The following SCFD1 variants were observed in gnomAD, a reference collection of about 807,000 sequenced individuals.
SCFD1 encodes the protein sec1 family domain-containing protein 1.
In SCFD1, 37 loss-of-function variants were observed where a neutral mutation model predicts 103.2. The ratio of observed to expected loss-of-function variants is 0.36; its 90% CI spans 0.28 to 0.47. SCFD1 has a LOEUF of 0.47. Ranked by LOEUF, SCFD1 falls within the 20% of genes least tolerant of loss-of-function variation. SCFD1 has a pLI of 1.00. For synonymous variants in SCFD1, 264 were observed against 245.0 expected (o/e 1.08, Z -0.73); for missense variants, 639 against 761.2 (o/e 0.84, Z 1.89).
At chr14:30,676,710 A>T (rs991508771) in intron 14 of SCFD1, 39 of 151,856 alleles carry the variant, frequency 2.6e-4, no homozygotes, top group African/African-American at 9.4e-4. Context: ...TATGGAATCA[A>T]AAAAAGTAGA....
intron 14 of SCFD1, chr14:30,683,231 C>A: frequency 9.0e-7 from 1 of 1,110,066 alleles, no homozygotes; most frequent in South Asian, 1.5e-5. Context: ...TCATACAGGG[C>A]AGACCACTTG....
chr14:30,632,046 GAAAAAAA>G (rs61645782), intron 3 of SCFD1, among the ~76,000 whole-genome samples: 1 of 70,270 alleles, frequency 1.4e-5, no homozygotes, highest in South Asian at 5.5e-4. Context: ...AGATTCTGTT[GAAAAAAA>G]AAAAAAAAAA....
chr14:30,656,231 G>A (rs1055747180), intron 10 of SCFD1, among the ~76,000 whole-genome samples: 2 of 152,142 alleles, frequency 1.3e-5, no homozygotes, highest in African/African-American at 2.4e-5. Flanking sequence ...AAAGTGCTGA[G>A]ATTACAAGCA....
At chr14:30,631,455 T>C (rs544119805) in intron 3 of SCFD1, among the ~76,000 whole-genome samples, 32 of 152,350 alleles carry the variant, frequency 2.1e-4, no homozygotes, top group Admixed American at 1.7e-3. Context: ...AATGTTTTTA[T>C]AGGTGCTTAA....
chr14:30,643,301 C>T lies in SCFD1; in HGVS notation c.524-15C>T. The stretch of plus-strand genomic sequence containing the variant: ...GTTTGGGTCAACTTTTTCTCCTTTT[C>T]CTATGTCATTTTAGCCATTAACAGG... On this transcript the variant is annotated splice_polypyrimidine_tract_variant and intron_variant, in intron 6 of 24. Coordinates refer to ENST00000458591, the MANE Select transcript of SCFD1 (RefSeq NM_016106.4). 2 of 1,557,592 alleles carry T rather than the reference C, an allele frequency of 1.3e-6. No homozygotes were observed. Among genetic ancestry groups the T allele is most frequent in the Non-Finnish European group, 1.8e-6 (2 of 1,128,962 alleles).
intron 23 of SCFD1, among the ~76,000 whole-genome samples, chr14:30,724,245 GTTTTTTTTTTT>G (rs58612669): frequency 1.4e-5 from 1 of 69,682 alleles, no homozygotes; most frequent in Non-Finnish European, 2.5e-5. Flanking sequence ...TTTTTTATGG[GTTTTTTTTTTT>G]TTTTTTTTTT....
chr14:30,714,376 A>AAG (rs1309674509), intron 19 of SCFD1, among the ~76,000 whole-genome samples: 11 of 145,770 alleles, frequency 7.5e-5, no homozygotes, highest in Non-Finnish European at 1.5e-4. Flanking sequence ...AAAAAAAAAA[A>AAG]GGTAAAATTT....
chr14:30,709,508 A>G (rs1451215861), intron 19 of SCFD1, among the ~76,000 whole-genome samples: 1 of 152,166 alleles, frequency 6.6e-6, no homozygotes, highest in East Asian at 1.9e-4. Flanking sequence ...CTGGGATTAC[A>G]GGTATGAGCC....
chr14:30,693,512 A>T (rs1055263146), intron 14 of SCFD1, among the ~76,000 whole-genome samples: 2 of 152,144 alleles, frequency 1.3e-5, no homozygotes, highest in Non-Finnish European at 2.9e-5. Flanking sequence ...CCATGTATCA[A>T]ATTCACTCCT....
chr14:30,735,585 G>A lies in SCFD1; in HGVS notation c.1906-1G>A. On this transcript the variant is annotated splice_acceptor_variant, in intron 24 of 24. Coordinates refer to ENST00000458591, the MANE Select transcript of SCFD1 (RefSeq NM_016106.4). LOFTEE classifies it high-confidence loss of function. ...ATGTATGATTTTGTGTTTTGTTTTA[G>A]TTGTCACAACTTGGACAAAAGTAAC... is the stretch of plus-strand genomic sequence containing the variant. 1 of 1,584,740 alleles carries A rather than the reference G, an allele frequency of 6.3e-7. No individual in the cohort carries two copies. The highest frequency in any genetic ancestry group is 8.6e-7 in the Non-Finnish European group (1 of 1,158,314).
At chr14:30,642,518 C>A (rs904494198) in intron 6 of SCFD1, among the ~76,000 whole-genome samples, 1 of 152,250 alleles carries the variant, frequency 6.6e-6, no homozygotes, top group South Asian at 2.1e-4. Flanking sequence ...TTCTTATACT[C>A]AGTAAAGTTT....
chr14:30,668,324 G>T (rs1888208063), intron 10 of SCFD1, among the ~76,000 whole-genome samples: 1 of 152,196 alleles, frequency 6.6e-6, no homozygotes, highest in African/African-American at 2.4e-5. Flanking sequence ...AATAAATGGT[G>T]CTGGGAAAAC....
At chr14:30,631,312 C>T (rs753859462) in intron 3 of SCFD1, among the ~76,000 whole-genome samples, 25 of 152,084 alleles carry the variant, frequency 1.6e-4, no homozygotes, top group Non-Finnish European at 3.2e-4. Flanking sequence ...GAGACTGTGC[C>T]ACTGCACTCC....
chr14:30,726,522 A>G (rs1000925344), intron 23 of SCFD1, among the ~76,000 whole-genome samples: 3 of 152,062 alleles, frequency 2.0e-5, no homozygotes, highest in African/African-American at 7.3e-5. Context: ...CATCTTTCTC[A>G]ACAAAATCAG....
intron 21 of SCFD1, 115 bp from the exon 22 acceptor site, chr14:30,721,769 G>A: frequency 1.2e-6 from 1 of 844,466 alleles, no homozygotes. Flanking sequence ...GAAGGTGAAG[G>A]AGGTAGAATT....
chr14:30,647,360 A>G (rs1594600940), intron 7 of SCFD1, among the ~76,000 whole-genome samples: 1 of 149,306 alleles, frequency 6.7e-6, no homozygotes, highest in African/African-American at 2.5e-5. Flanking sequence ...CCTTTCAGGG[A>G]TTTTTTTTTT....
chr14:30,633,824 T>C, intron 3 of SCFD1, 123 bp from the exon 4 acceptor site: 1 of 496,392 alleles, frequency 2.0e-6, no homozygotes, highest in Non-Finnish European at 3.6e-6. Flanking sequence ...ACTCACTGAT[T>C]AATTGCAACA....
At chr14:30,708,127 T>C in intron 19 of SCFD1, 62 bp downstream of exon 19, 1 of 1,053,490 alleles carries the variant, frequency 9.5e-7, no homozygotes, top group East Asian at 2.4e-5. Flanking sequence ...ACAGGCTAAC[T>C]GCTCAGGTAA....
At chr14:30,651,827 G>A (rs567834041) in intron 9 of SCFD1, among the ~76,000 whole-genome samples, 1 of 152,290 alleles carries the variant, frequency 6.6e-6, no homozygotes, top group Admixed American at 6.5e-5. Flanking sequence ...ATAGGCTGGT[G>A]ATTTTCAACT....
Sources: allele counts gnomAD v4.1 joint callset (sites outside exome capture counted in the v4.1 genomes callset), GRCh38; gene constraint gnomAD v4.1.1; transcripts MANE v1.5; gene names NCBI Gene and HGNC (gene_info 2026-07-23, HGNC 2026-07-21).